AKAP13: variants seen among roughly 807,000 people sequenced by gnomAD.
AKAP13 encodes the protein A-kinase anchoring protein 13.
A neutral mutation model predicts 264.5 loss-of-function variants in AKAP13; 80 were observed. That is an observed-to-expected ratio of 0.30 (90% confidence interval 0.25 to 0.36). The LOEUF (loss-of-function observed/expected upper bound fraction) is 0.36, where lower values mean the gene tolerates loss of function less well. Ranked by LOEUF, AKAP13 falls within the 10% of genes least tolerant of loss-of-function variation. AKAP13 has a pLI of 1.00. For synonymous variants in AKAP13, 1,380 were observed against 1,250.2 expected (o/e 1.10, Z -2.19); for missense variants, 3,712 against 3,435.2 (o/e 1.08, Z -2.01).
intron 16 of AKAP13, chr15:85,685,484 G>GTGTC (rs1555459226): frequency 0.012 from 1,744 of 148,562 alleles, 103 homozygotes; most frequent in Admixed American, 0.1. Context: ...GTGTGTGTGT[G>GTGTC]TGTGTCTGTG....
In AKAP13 at chr15:85,625,858, G is replaced by A. The variant is rs185552391; in HGVS notation, c.4162-13516G>A. 4.2e-3 allele frequency among the ~76,000 whole-genome samples: 645 copies of A among 152,308 alleles called. 3 individuals carry two copies. Among genetic ancestry groups the A allele is most frequent in the South Asian group, 0.016 (78 of 4,832 alleles). On this transcript the variant is annotated intron_variant, in intron 8 of 36. Coordinates refer to ENST00000394518, the MANE Select transcript of AKAP13 (RefSeq NM_007200.5). ...GTGAGAAAGAAATAGTGGAGTTGTT[G>A]ATGAATAGAACCAAGACTAGAACAA...
Position 85,658,554 on chromosome 15 carries a change from G to A in AKAP13, c.4763G>A (p.Gly1588Glu), listed in dbSNP as rs781757055. 3.0e-5 allele frequency: 49 copies of A among 1,613,618 alleles called. No individual in the cohort carries two copies. Among genetic ancestry groups the A allele is most frequent in the Middle Eastern group, 1.6e-4 (1 of 6,080 alleles). The change falls in exon 12 of 37, where the codon GGG (glycine) becomes GAG (glutamate). Residue 1588 changes from glycine (G) to glutamate (E), a missense_variant. Physicochemically the swap from Gly to Glu is moderately conservative, Grantham distance 98 (BLOSUM62 -2). Transcript: ENST00000394518. ...ATTTTCAGTTCAATGCGAGTTCTTGGGGATGTTGTCAGGAGACCTCCCATT... is the reference window on the plus strand; with the variant it reads ...ATTTTCAGTTCAATGCGAGTTCTTGAGGATGTTGTCAGGAGACCTCCCATT... ...MNHRSSMRVL[G>E]DVVRRPPIHR...
chr15:85,399,353 G>A (rs1456411372), intron 1 of AKAP13, among the ~76,000 whole-genome samples: 2 of 148,660 alleles, frequency 1.3e-5, no homozygotes, highest in African/African-American at 2.5e-5. Flanking sequence ...AAAATTAGCC[G>A]GGCGCGGTGG....
At chr15:85,560,620 ATCTATT>A (rs1228176788) in intron 5 of AKAP13, among the ~76,000 whole-genome samples, 3 of 151,972 alleles carry the variant, frequency 2.0e-5, no homozygotes, top group African/African-American at 7.2e-5. Context: ...TCATATTTTT[ATCTATT>A]TCTATGGTCT....
chr15:85,395,280 T>C (rs2071057416), intron 1 of AKAP13, among the ~76,000 whole-genome samples: 1 of 152,200 alleles, frequency 6.6e-6, no homozygotes, highest in Non-Finnish European at 1.5e-5. Context: ...GGCCCTGAAC[T>C]TTTGCCTCTA....
chr15:85,723,982 T>A (rs556522793), intron 26 of AKAP13, among the ~76,000 whole-genome samples: 1 of 152,326 alleles, frequency 6.6e-6, no homozygotes, highest in African/African-American at 2.4e-5. Context: ...TATGTGTACA[T>A]TTGATTTTTT....
chr15:85,740,141 T>G, intron 33 of AKAP13, 81 bp from the exon 34 acceptor site: 1 of 1,422,456 alleles, frequency 7.0e-7, no homozygotes. Flanking sequence ...AGGAGCCATC[T>G]TATCAGGTAA....
In AKAP13 at chr15:85,741,264, G is replaced by C. The variant is rs370540321; in HGVS notation, c.7827G>C (p.Glu2609Asp). 1.5e-5 allele frequency: 24 copies of C among 1,610,170 alleles called. No individual in the cohort carries two copies. In the African/African-American group the frequency reaches 2.4e-4, roughly 16 times the overall value. Residue 2609 changes from glutamate to aspartate, a missense_variant, in exon 35 of 37, where the codon GAG (glutamate) becomes GAC (aspartate). Physicochemically the swap from Glu to Asp is conservative, Grantham distance 45. This residue lies in a region of AKAP13 where 611 missense variants were observed against 539.3 expected (regional missense o/e 1.13). Coordinates refer to ENST00000394518, the MANE Select transcript of AKAP13 (RefSeq NM_007200.5). Reference protein sequence around the residue: ...RRREREWEARERELREREALL... With the variant: ...RRREREWEARDRELREREALL... Reference sequence around the variant, plus strand: ...GCGAGCGTGAGTGGGAAGCTCGTGAGAGGGAGCTGCGGGAGCGGGAGGCCC... The same window carrying C: ...GCGAGCGTGAGTGGGAAGCTCGTGACAGGGAGCTGCGGGAGCGGGAGGCCC...
intron 1 of AKAP13, among the ~76,000 whole-genome samples, chr15:85,399,872 A>G (rs1286995665): frequency 6.6e-6 from 1 of 152,232 alleles, no homozygotes; most frequent in East Asian, 1.9e-4. Context: ...CCTCTTCTAC[A>G]CAAAGAGCCC....
At chr15:85,626,818 C>G (rs1211544260) in intron 8 of AKAP13, among the ~76,000 whole-genome samples, 1 of 151,226 alleles carries the variant, frequency 6.6e-6, no homozygotes, top group Non-Finnish European at 1.5e-5. Flanking sequence ...TTTTGAGAAA[C>G]TGTCATACTG....
chr15:85,709,829 A>G (rs2086535086), intron 18 of AKAP13, among the ~76,000 whole-genome samples: 1 of 152,214 alleles, frequency 6.6e-6, no homozygotes, highest in African/African-American at 2.4e-5. Flanking sequence ...CTGAGATTAC[A>G]GGTGCCCGTC....
At chr15:85,527,830 C>T (rs1297198514) in intron 3 of AKAP13, among the ~76,000 whole-genome samples, 2 of 152,186 alleles carry the variant, frequency 1.3e-5, no homozygotes. Flanking sequence ...CTATCATAGA[C>T]ACTTCATAAG....
intron 5 of AKAP13, among the ~76,000 whole-genome samples, chr15:85,545,555 A>G (rs2077705646): frequency 6.6e-6 from 1 of 152,220 alleles, no homozygotes; most frequent in Non-Finnish European, 1.5e-5. Context: ...TTGGTAAGGG[A>G]AAACCAACCT....
intron 10 of AKAP13, among the ~76,000 whole-genome samples, chr15:85,650,366 G>A (rs1166272238): frequency 1.3e-5 from 2 of 152,216 alleles, no homozygotes; most frequent in Non-Finnish European, 2.9e-5. Context: ...TGAAGTTCAA[G>A]GCTGCAATGA....
At position 85,437,143 on chromosome 15, in the gene AKAP13, C is replaced by T. The variant is rs1339147893; in HGVS notation, c.-11-48567C>T. Among the ~76,000 whole-genome samples the T allele has an allele frequency of 6.2e-4, 91 of 146,968 alleles. 3 individuals are homozygous for T. The South Asian group carries it at 0.01, about 16-fold the overall frequency. On this transcript the variant is annotated intron_variant, in intron 1 of 36. Transcript: ENST00000394518. Reference sequence around the variant, plus strand: ...TAAAAAATGATAAAGGGGATATCACCACCGATCCCACAGAAATACAAACTA... The same window carrying T: ...TAAAAAATGATAAAGGGGATATCACTACCGATCCCACAGAAATACAAACTA...
intron 14 of AKAP13, among the ~76,000 whole-genome samples, chr15:85,674,863 AAT>A (rs145993106): frequency 9.3e-5 from 14 of 150,824 alleles, no homozygotes; most frequent in East Asian, 5.8e-4. Context: ...AATATATGTG[AAT>A]ATATATATAT....
chr15:85,396,623 T>C (rs1479191049), intron 1 of AKAP13, among the ~76,000 whole-genome samples: 1 of 152,164 alleles, frequency 6.6e-6, no homozygotes, highest in Non-Finnish European at 1.5e-5. Flanking sequence ...TAAATGGTAT[T>C]TTTACTCCAA....
intron 14 of AKAP13, among the ~76,000 whole-genome samples, chr15:85,676,345 T>C (rs188418574): frequency 6.1e-4 from 93 of 152,256 alleles, no homozygotes; most frequent in African/African-American, 2.2e-3. Flanking sequence ...AAGTGTGATA[T>C]AAGGATTCAG....
intron 8 of AKAP13, chr15:85,619,534 A>G (rs991604850): frequency 2.0e-6 from 2 of 985,250 alleles, no homozygotes; most frequent in Non-Finnish European, 2.4e-6. Flanking sequence ...GGAAAAGTAG[A>G]TTTTCTTTGT....
Sources: gnomAD v4.1 joint callset for allele counts (sites outside exome capture counted in the v4.1 genomes callset) on GRCh38, gnomAD v4.1.1 for gene constraint, gnomAD v4.1.1 regional missense constraint, MANE v1.5 for transcripts, NCBI Gene and HGNC (gene_info 2026-07-23, HGNC 2026-07-21) for gene names.